TCFL5: variants seen among roughly 807,000 people sequenced by gnomAD.
TCFL5 encodes the protein transcription factor like 5, also known as transcription factor-like 5 protein.
Under a neutral mutation model 44.3 loss-of-function variants are expected in TCFL5, and 9 were observed. The observed-to-expected ratio is 0.20, with a 90% CI of 0.12 to 0.35. The LOEUF (loss-of-function observed/expected upper bound fraction) is 0.35, where lower values mean the gene tolerates loss of function less well. Among genes scored for constraint, TCFL5 ranks in the 10% least tolerant of loss-of-function variants. TCFL5 has a pLI of 1.00. For missense variants in TCFL5, 603 were observed against 613.4 expected, an observed-to-expected ratio of 0.98 and a Z score of 0.18; for synonymous variants, 319 against 271.6, an observed-to-expected ratio of 1.17 and a Z score of -1.72.
intron 3 of TCFL5, among the ~76,000 whole-genome samples, chr20:62,858,220 C>T (rs551879560): frequency 5.9e-5 from 9 of 152,346 alleles, no homozygotes; most frequent in Middle Eastern, 3.4e-3. Context: ...TTTTCTGCTG[C>T]GTGACAGGCT....
rs2063694527 is a variant in TCFL5 at position 62,842,805 on chromosome 20, A to G, written c.1381-708T>C. The stretch of plus-strand genomic sequence containing the variant: ...AAAAAGTTTCAACAATTAACAAGTC[A>G]GGGGCATCTACCCCCACCCCAGGGC... On this transcript the variant is annotated intron_variant, in intron 5 of 5. Coordinates refer to ENST00000335351, the MANE Select transcript of TCFL5 (RefSeq NM_006602.4). The surrounding 1 kb of genome is among the most constrained non-coding windows in gnomAD (Gnocchi z 4.3). 6.6e-6 allele frequency among the ~76,000 whole-genome samples: 1 copy of G among 152,188 alleles called. No homozygotes were observed. Among genetic ancestry groups the G allele is most frequent in the Non-Finnish European group, 1.5e-5 (1 of 68,016 alleles).
intron 5 of TCFL5, 57 bp downstream of exon 5, chr20:62,853,959 G>A: frequency 6.3e-7 from 1 of 1,582,496 alleles, no homozygotes; most frequent in Non-Finnish European, 8.6e-7. Context: ...GAAAAAGGAG[G>A]GACATTGTTA....
rs902742843 is a variant in TCFL5, at chr20:62,861,146, G to A, written c.525C>T (p.Pro175=). Residue 175 remains proline, a synonymous_variant, in exon 1 of 6, where the codon CCC becomes CCT. Coordinates refer to ENST00000335351, the MANE Select transcript of TCFL5 (RefSeq NM_006602.4). The surrounding 1 kb of genome is among the most constrained non-coding windows in gnomAD (Gnocchi z 4.0). The part of the protein sequence containing the change: ...AAAAAGPDGA[P]EARAKPAVRV... The stretch of plus-strand genomic sequence containing the variant: ...GCACGGCCGGCTTGGCCCGGGCCTC[G>A]GGCGCGCCGTCGGGTCCAGCCGCAG... 9.0e-6 allele frequency: 9 copies of A among 1,004,670 alleles called. No individual in the cohort carries two copies. The highest frequency in any genetic ancestry group is 4.5e-5 in the South Asian group (1 of 22,262). The allele number at this position is 1,004,670 out of a possible 1,614,324, so 62.2% of individuals were successfully genotyped here. A position where few individuals can be genotyped will look rare whatever the true frequency, so the allele number is the denominator to read the frequency against.
rs946983155 is a variant in TCFL5 at position 62,848,034 on chromosome 20, G to C, written c.1381-5937C>G. ...TTGCCAGTACAGGACACGAGGTCCAGGGAGTTCTCACAGAAGGATCACGGG... is the reference window on the plus strand; with the variant it reads ...TTGCCAGTACAGGACACGAGGTCCACGGAGTTCTCACAGAAGGATCACGGG... On this transcript the variant is annotated intron_variant, in intron 5 of 5. Coordinates refer to ENST00000335351, the MANE Select transcript of TCFL5 (RefSeq NM_006602.4). Among the ~76,000 whole-genome samples the C allele has an allele frequency of 3.3e-5, 5 of 152,250 alleles. No homozygotes were observed. The South Asian group carries it at 1.0e-3, about 32-fold the overall frequency.
chr20:62,846,598 A>G (rs1011994931), intron 5 of TCFL5, among the ~76,000 whole-genome samples: 1 of 152,150 alleles, frequency 6.6e-6, no homozygotes, highest in African/African-American at 2.4e-5. Context: ...ATTTGTGAAC[A>G]TGAGAAGAAT....
chr20:62,854,955 AACC>A (rs746694744), intron 4 of TCFL5, among the ~76,000 whole-genome samples: 3 of 152,190 alleles, frequency 2.0e-5, no homozygotes, highest in Non-Finnish European at 2.9e-5. Flanking sequence ...ACTGAACTCT[AACC>A]ACAAGTCTAC....
chr20:62,845,463 T>C (rs2063729544), intron 5 of TCFL5: 1 of 1,355,164 alleles, frequency 7.4e-7, no homozygotes, highest in Non-Finnish European at 9.5e-7. Context: ...CAATTTAAAA[T>C]GACCCCACAT....
Position 62,846,704 on chromosome 20 carries a change from T to C in TCFL5, c.1381-4607A>G, listed in dbSNP as rs146276598. On this transcript the variant is annotated intron_variant, in intron 5 of 5. Coordinates refer to ENST00000335351, the MANE Select transcript of TCFL5 (RefSeq NM_006602.4). ...GCACCTGAGCCCAAGAGGACGAGGC[T>C]GCACTAAGCTGTGGTTGCACCGCAC... is the stretch of plus-strand genomic sequence containing the variant. Among the ~76,000 whole-genome samples the C allele has an allele frequency of 4.0e-3, 595 of 147,390 alleles. 2 individuals carry two copies. The highest frequency in any genetic ancestry group is 0.014 in the African/African-American group (562 of 39,658).
intron 4 of TCFL5, among the ~76,000 whole-genome samples, chr20:62,854,379 T>C (rs1350154557): frequency 1.3e-5 from 2 of 152,236 alleles, no homozygotes; most frequent in African/African-American, 4.8e-5. Context: ...TCGGGTGCCC[T>C]TGGCGGCCCC....
chr20:62,858,619 G>A (rs1291352128), intron 3 of TCFL5, among the ~76,000 whole-genome samples: 2 of 151,760 alleles, frequency 1.3e-5, no homozygotes, highest in Admixed American at 6.6e-5. Context: ...CAGTTTCCCA[G>A]GGAGGAAGGG....
Position 62,852,409 on chromosome 20 carries a change from C to T in TCFL5, c.1380+1607G>A, listed in dbSNP as rs960656086. 12 of 887,714 alleles carry T rather than the reference C, an allele frequency of 1.4e-5. No homozygotes were observed. In the African/African-American group the frequency reaches 2.9e-4, roughly 21 times the overall value. 55.0% of individuals were successfully genotyped at this position (887,714 alleles called of 1,614,324 possible). A position where few individuals can be genotyped will look rare whatever the true frequency, so the allele number is the denominator to read the frequency against. ...CAGAACCCTGGAACTGGGGTCCCCC[C>T]AAGGCAGGGCCCAGAACCAGCCCTG... is the stretch of plus-strand genomic sequence containing the variant. On this transcript the variant is annotated intron_variant, in intron 5 of 5. Coordinates refer to ENST00000335351, the MANE Select transcript of TCFL5 (RefSeq NM_006602.4).
At chr20:62,853,144 C>CAGA (rs879404279) in intron 5 of TCFL5, among the ~76,000 whole-genome samples, 3 of 137,232 alleles carry the variant, frequency 2.2e-5, no homozygotes, top group East Asian at 2.6e-4. Context: ...ACCCGGTCCA[C>CAGA]AGTATAGTCA....
intron 2 of TCFL5, 62 bp downstream of exon 2, chr20:62,860,063 A>T: frequency 1.3e-6 from 2 of 1,521,338 alleles, no homozygotes; most frequent in South Asian, 2.4e-5. Flanking sequence ...ACCTAACCAA[A>T]ATAAGTTAAA....
chr20:62,855,943 A>T (rs1478704384), intron 4 of TCFL5, among the ~76,000 whole-genome samples: 1 of 151,974 alleles, frequency 6.6e-6, no homozygotes, highest in East Asian at 1.9e-4. Context: ...TAGATTAGGG[A>T]AATATTCTAT....
chr20:62,859,334 G>T, intron 3 of TCFL5, 30 bp downstream of exon 3: 1 of 1,592,134 alleles, frequency 6.3e-7, no homozygotes, highest in Non-Finnish European at 8.6e-7. Flanking sequence ...TCAGAAGAAA[G>T]CTCCCACTAC....
chr20:62,856,091 G>C (rs1446363052), intron 4 of TCFL5, among the ~76,000 whole-genome samples: 4 of 150,038 alleles, frequency 2.7e-5, no homozygotes, highest in African/African-American at 9.8e-5. Flanking sequence ...TCTACTAAAA[G>C]GTACAAGAAT....
chr20:62,856,746 G>T (rs1159094165), intron 4 of TCFL5, among the ~76,000 whole-genome samples: 2 of 149,138 alleles, frequency 1.3e-5, no homozygotes, highest in Admixed American at 1.3e-4. Flanking sequence ...AAAACTTGCT[G>T]AACTCAAGCT....
chr20:62,851,151 G>C (rs1346134940), intron 5 of TCFL5, among the ~76,000 whole-genome samples: 1 of 152,000 alleles, frequency 6.6e-6, no homozygotes, highest in Non-Finnish European at 1.5e-5. Flanking sequence ...AAGTAAAAGG[G>C]GGCAGTCACT....
chr20:62,852,250 A>C (rs1337445774), intron 5 of TCFL5: 6 of 985,318 alleles, frequency 6.1e-6, no homozygotes, highest in Non-Finnish European at 7.2e-6. Context: ...TATTTCACTA[A>C]GGTCTGCTCA....
Sources: allele counts gnomAD v4.1 joint callset (sites outside exome capture counted in the v4.1 genomes callset), GRCh38; gene constraint gnomAD v4.1.1; non-coding constraint Gnocchi (gnomAD v3.1); transcripts MANE v1.5; gene names NCBI Gene and HGNC (gene_info 2026-07-23, HGNC 2026-07-21).